Variants in ATOSA observed in about 807,000 individuals in gnomAD.
ATOSA encodes atos homolog protein A.
the ATOSA span, among the ~76,000 whole-genome samples, chr15:52,625,467 C>T: frequency 6.6e-6 from 1 of 151,860 alleles, no homozygotes; most frequent in Middle Eastern, 3.4e-3. Context: ...CTTGTTAATC[C>T]ACAACAAAAC....
chr15:52,615,596 G>C, the ATOSA span, among the ~76,000 whole-genome samples: 3,504 of 152,274 alleles, frequency 0.023, 113 homozygotes, highest in African/African-American at 0.073. Flanking sequence ...GTAGAGAAAA[G>C]TATGCAAAAA....
chr15:52,615,674 G>C, the ATOSA span, among the ~76,000 whole-genome samples: 1 of 152,148 alleles, frequency 6.6e-6, no homozygotes, highest in Non-Finnish European at 1.5e-5. Context: ...TCCAGCTTCA[G>C]GAAGGCTTAT....
chr15:52,611,581 G>C, the ATOSA span: 1 of 1,613,884 alleles, frequency 6.2e-7, no homozygotes, highest in South Asian at 1.1e-5. Flanking sequence ...TTACTGTCGA[G>C]GAACTGGCTC....
chr15:52,699,559 G>C, the ATOSA span, among the ~76,000 whole-genome samples: 6 of 150,966 alleles, frequency 4.0e-5, no homozygotes, highest in Admixed American at 6.6e-5. Context: ...TCACCCTCCC[G>C]TTTCACTCTC....
At chr15:52,614,010 T>C in the ATOSA span, 1 of 724,014 alleles carries the variant, frequency 1.4e-6, no homozygotes, top group Non-Finnish European at 2.4e-6. Context: ...TACTAAACTT[T>C]TGATTCACAA....
At chr15:52,667,141 G>A in the ATOSA span, among the ~76,000 whole-genome samples, 2 of 152,146 alleles carry the variant, frequency 1.3e-5, no homozygotes, top group Non-Finnish European at 2.9e-5. Context: ...AAATATAATT[G>A]TTTAATGTGT....
the ATOSA span, among the ~76,000 whole-genome samples, chr15:52,642,040 T>C: frequency 6.6e-6 from 1 of 152,238 alleles, no homozygotes; most frequent in Non-Finnish European, 1.5e-5. Flanking sequence ...TGTAGTCAAC[T>C]AAGCACAACT....
chr15:52,643,357 T>A, the ATOSA span, among the ~76,000 whole-genome samples: 1 of 152,000 alleles, frequency 6.6e-6, no homozygotes, highest in African/African-American at 2.4e-5. Flanking sequence ...AGTGGCACAA[T>A]CATACCTCAC....
chr15:52,651,978 A>T, the ATOSA span: 1 of 1,532,678 alleles, frequency 6.5e-7, no homozygotes, highest in Non-Finnish European at 8.7e-7. Flanking sequence ...TGAGGGATCC[A>T]GATGTCTGCA....
chr15:52,643,179 T>C, the ATOSA span, among the ~76,000 whole-genome samples: 12 of 152,220 alleles, frequency 7.9e-5, no homozygotes, highest in South Asian at 2.1e-4. Flanking sequence ...AAGTGATTCA[T>C]ACTTCATGCA....
At chr15:52,652,532 A>C in the ATOSA span, among the ~76,000 whole-genome samples, 1 of 152,214 alleles carries the variant, frequency 6.6e-6, no homozygotes, top group Admixed American at 6.5e-5. Flanking sequence ...AACAAACTTC[A>C]CAAATTCCTA....
the ATOSA span, among the ~76,000 whole-genome samples, chr15:52,604,465 C>T: frequency 6.6e-6 from 1 of 152,204 alleles, no homozygotes; most frequent in Non-Finnish European, 1.5e-5. Context: ...TGGCAAATTA[C>T]ACGGATTTTT....
chr15:52,640,638 G>A, the ATOSA span, among the ~76,000 whole-genome samples: 6 of 28,692 alleles, frequency 2.1e-4, no homozygotes, highest in South Asian at 1.6e-3. Context: ...TGTAGACTAC[G>A]TACATTTAAA....
chr15:52,608,981 T>G, the ATOSA span: 2 of 1,612,440 alleles, frequency 1.2e-6, no homozygotes, highest in Non-Finnish European at 1.7e-6. Context: ...TCAATAGTGG[T>G]GCAATTTGAA....
chr15:52,616,902 A>T, the ATOSA span, among the ~76,000 whole-genome samples: 1 of 152,180 alleles, frequency 6.6e-6, no homozygotes, highest in Non-Finnish European at 1.5e-5. Context: ...TCCCTCATAA[A>T]CCTACTGAGA....
At chr15:52,701,912 C>T in the ATOSA span, among the ~76,000 whole-genome samples, 3 of 151,782 alleles carry the variant, frequency 2.0e-5, no homozygotes, top group African/African-American at 7.3e-5. Context: ...GTAGTCTGGG[C>T]AACATAGCAA....
chr15:52,687,835 G>A, the ATOSA span, among the ~76,000 whole-genome samples: 1 of 152,192 alleles, frequency 6.6e-6, no homozygotes, highest in East Asian at 1.9e-4. Flanking sequence ...ATAGGTCAGA[G>A]TATATGTCCC....
chr15:52,687,407 A>AAAAT, the ATOSA span, among the ~76,000 whole-genome samples: 8 of 152,284 alleles, frequency 5.3e-5, no homozygotes, highest in South Asian at 2.1e-4. Context: ...TCCGTCTCAA[A>AAAAT]AAATAAATAA....
At chr15:52,597,883 GGGAGGC>G in the ATOSA span, among the ~76,000 whole-genome samples, 1 of 152,178 alleles carries the variant, frequency 6.6e-6, no homozygotes, top group Non-Finnish European at 1.5e-5. Context: ...CCAGCACTTT[GGGAGGC>G]CGAGGCAGGT....
Sources: gnomAD v4.1 joint callset for allele counts (sites outside exome capture counted in the v4.1 genomes callset) on GRCh38, gnomAD v4.1.1 for gene constraint, MANE v1.5 for transcripts, NCBI Gene and HGNC (gene_info 2026-07-23, HGNC 2026-07-21) for gene names.